Variants in SMG6 observed in about 807,000 individuals in gnomAD.
SMG6 encodes the protein telomerase-binding protein EST1A.
In SMG6, 66 loss-of-function variants were observed where a neutral mutation model predicts 142.2. That is an observed-to-expected ratio of 0.46 (90% confidence interval 0.38 to 0.57). The LOEUF (loss-of-function observed/expected upper bound fraction) is 0.57, where lower values mean the gene tolerates loss of function less well. Among genes scored for constraint, SMG6 ranks in the 20% least tolerant of loss-of-function variants. The probability of loss-of-function intolerance (pLI) is 0.00; values close to 1 mark genes in which losing one functional copy is unlikely to be tolerated. For missense variants in SMG6, 1,793 were observed against 1,832.0 expected (o/e 0.98, Z 0.39); for synonymous variants, 779 against 702.4 (o/e 1.11, Z -1.72).
intron 13 of SMG6, among the ~76,000 whole-genome samples, chr17:2,107,148 G>A (rs2069177614): frequency 6.6e-6 from 1 of 152,158 alleles, no homozygotes; most frequent in Non-Finnish European, 1.5e-5. Context: ...GAGCCACTGT[G>A]CCCAGACTCT....
intron 1 of SMG6, 58 bp downstream of exon 1, chr17:2,303,575 G>A (rs1020026760): frequency 2.0e-5 from 27 of 1,372,200 alleles, no homozygotes; most frequent in Non-Finnish European, 2.3e-5. Flanking sequence ...AGGCAGAGGA[G>A]GAGGAGAGGG....
chr17:2,268,204 T>TA (rs2074465854), intron 8 of SMG6, among the ~76,000 whole-genome samples: 1 of 152,178 alleles, frequency 6.6e-6, no homozygotes, highest in Non-Finnish European at 1.5e-5. Flanking sequence ...GTGTCCAGTC[T>TA]AAAAGCTTTT....
chr17:2,147,326 G>A (rs563036378), intron 13 of SMG6, among the ~76,000 whole-genome samples: 110 of 152,102 alleles, frequency 7.2e-4, no homozygotes, highest in Admixed American at 2.6e-3. Flanking sequence ...CTGGGAGGCA[G>A]AGGTTGCAGT....
intron 18 of SMG6, among the ~76,000 whole-genome samples, chr17:2,063,458 C>A (rs954605913): frequency 2.1e-4 from 32 of 152,192 alleles, no homozygotes; most frequent in Non-Finnish European, 1.5e-4. Flanking sequence ...TAGGGGCGGT[C>A]CCCCGGATGG....
At chr17:2,169,655 A>G (rs11658881) in intron 13 of SMG6, among the ~76,000 whole-genome samples, 53,172 of 151,980 alleles carry the variant, frequency 0.35, 10,414 homozygotes, top group Admixed American at 0.44. Flanking sequence ...ATGTGACTAG[A>G]GCACACTGGG....
chr17:2,301,077 T>C (rs192509852), intron 1 of SMG6, among the ~76,000 whole-genome samples: 30 of 152,354 alleles, frequency 2.0e-4, no homozygotes, highest in Non-Finnish European at 4.1e-4. Flanking sequence ...CAGCCTTTTC[T>C]TCCGCCTCTA....
rs769949146 is a variant in SMG6 at position 2,292,914 on chromosome 17, G to A, written c.2215C>T (p.Arg739Trp). The change falls in exon 5 of 19, where the codon CGG (arginine) becomes TGG (tryptophan). Residue 739 changes from arginine to tryptophan, a missense_variant. Transcript: ENST00000263073. ...TTCGCTGTATCACTGGCTTGCTCCC[G>A]GTACCTAGCAATATCTCCTTGGCAT... ...MICQGDIARYREQASDTANYG... is the reference protein window; with the variant it reads ...MICQGDIARYWEQASDTANYG... 1.9e-5 allele frequency: 31 copies of A among 1,613,936 alleles called. No homozygotes were observed. The highest frequency in any genetic ancestry group is 3.3e-5 in the South Asian group (3 of 91,072).
intron 12 of SMG6, among the ~76,000 whole-genome samples, chr17:2,179,207 C>T (rs779543376): frequency 6.6e-5 from 10 of 152,140 alleles, no homozygotes; most frequent in African/African-American, 1.4e-4. Flanking sequence ...AAGGGGCTTC[C>T]CACAGCCACC....
chr17:2,125,952 CAAA>C (rs562438656), intron 13 of SMG6, among the ~76,000 whole-genome samples: 3 of 105,138 alleles, frequency 2.9e-5, no homozygotes, highest in Non-Finnish European at 3.7e-5. Flanking sequence ...GAACCCATCT[CAAA>C]AAAAAAAAAA....
At chr17:2,289,257 GA>G (rs112015372) in intron 6 of SMG6, among the ~76,000 whole-genome samples, 19 of 148,162 alleles carry the variant, frequency 1.3e-4, no homozygotes, top group South Asian at 6.4e-4. Flanking sequence ...CTCAAAAAAA[GA>G]AAAAAAAAAT....
chr17:2,202,207 G>T (rs1347391529), intron 10 of SMG6, among the ~76,000 whole-genome samples: 1 of 152,120 alleles, frequency 6.6e-6, no homozygotes, highest in Non-Finnish European at 1.5e-5. Context: ...ATAAATTGTG[G>T]TATATCCACA....
intron 10 of SMG6, among the ~76,000 whole-genome samples, chr17:2,226,853 G>C (rs1462160348): frequency 6.6e-6 from 1 of 152,138 alleles, no homozygotes; most frequent in South Asian, 2.1e-4. Flanking sequence ...AGTGAGCCGA[G>C]ATCACGCCAA....
chr17:2,160,832 A>G (rs1477203197), intron 13 of SMG6, among the ~76,000 whole-genome samples: 2 of 152,072 alleles, frequency 1.3e-5, no homozygotes, highest in Non-Finnish European at 2.9e-5. Flanking sequence ...CCCTGTCTCA[A>G]AAAAATAAAT....
intron 8 of SMG6, among the ~76,000 whole-genome samples, chr17:2,277,461 G>A (rs968910018): frequency 1.3e-5 from 2 of 152,040 alleles, no homozygotes; most frequent in African/African-American, 4.8e-5. Context: ...CACCACGCCC[G>A]GCCATATTTA....
At chr17:2,094,654 G>A (rs1350166908) in intron 13 of SMG6, 1 of 152,098 alleles carries the variant, frequency 6.6e-6, no homozygotes, top group Non-Finnish European at 1.5e-5. Flanking sequence ...CAAAGTGCTG[G>A]GATTATAGGT....
chr17:2,282,389 G>GC (rs2074806504), intron 8 of SMG6, among the ~76,000 whole-genome samples: 1 of 31,178 alleles, frequency 3.2e-5, no homozygotes, highest in African/African-American at 1.4e-4. Context: ...ACAAAAAGCA[G>GC]CAAAAAAAAA....
chr17:2,168,742 T>C (rs944710191), intron 13 of SMG6, among the ~76,000 whole-genome samples: 1 of 151,632 alleles, frequency 6.6e-6, no homozygotes, highest in East Asian at 2.0e-4. Context: ...GTTTTTTTTG[T>C]TTTGTGTTGT....
At chr17:2,196,274 T>A (rs1342682674) in intron 10 of SMG6, among the ~76,000 whole-genome samples, 1 of 151,986 alleles carries the variant, frequency 6.6e-6, no homozygotes, top group African/African-American at 2.4e-5. Flanking sequence ...ATACAAAAAT[T>A]AGCTGGGCGT....
chr17:2,288,854 C>T (rs891322612), intron 6 of SMG6, among the ~76,000 whole-genome samples: 85 of 151,754 alleles, frequency 5.6e-4, no homozygotes, highest in African/African-American at 8.7e-4. Flanking sequence ...CTGAGGTGGG[C>T]GGATCACGAG....
Sources: allele counts gnomAD v4.1 joint callset (sites outside exome capture counted in the v4.1 genomes callset), GRCh38; gene constraint gnomAD v4.1.1; transcripts MANE v1.5; gene names NCBI Gene and HGNC (gene_info 2026-07-23, HGNC 2026-07-21).